FMO1: variants seen among roughly 807,000 people sequenced by gnomAD.
The protein encoded by FMO1 is flavin containing dimethylaniline monoxygenase 1, also known as flavin-containing monooxygenase 1.
A neutral mutation model predicts 45.4 loss-of-function variants in FMO1; 36 were observed. The ratio of observed to expected loss-of-function variants is 0.79; its 90% CI spans 0.61 to 1.05. FMO1 has a LOEUF of 1.05. Ranked by LOEUF, FMO1 falls within the 50% of genes least tolerant of loss-of-function variation. FMO1 has a pLI of 0.00. For synonymous variants in FMO1, 228 were observed against 227.2 expected (o/e 1.00, Z -0.03); for missense variants, 615 against 640.3 (o/e 0.96, Z 0.43).
rs375591300 is a variant in FMO1, at chr1:171,285,437, G to C, written c.1492G>C (p.Val498Leu). Residue 498 changes from valine to leucine, a missense_variant, in exon 9 of 9, where the codon GTC becomes CTC. Val to Leu is a conservative substitution (Grantham distance 32). Transcript: ENST00000617670. ...GACCCAGTGGGACCGAACATTCAAG[G>C]TCATCAAAGCTCGAGTTGTACAAGA... ...IMTQWDRTFK[V>L]IKARVVQESP... 100 of 1,605,156 alleles carry C rather than the reference G, an allele frequency of 6.2e-5. No homozygotes were observed. The highest frequency in any genetic ancestry group is 8.0e-5 in the Non-Finnish European group (94 of 1,176,378).
In FMO1 at chr1:171,253,552, G is replaced by A. The variant is rs181375930; in HGVS notation, c.-6-4530G>A. 1.4e-4 allele frequency among the ~76,000 whole-genome samples: 21 copies of A among 151,950 alleles called. No individual in the cohort carries two copies. The East Asian group carries it at 2.9e-3, about 21-fold the overall frequency. Reference sequence around the variant, plus strand: ...CGAGGCGGGTGGATCACCTGAGGTCGGGAGTTCGAGACCAGCCTAACCGAC... The same window carrying A: ...CGAGGCGGGTGGATCACCTGAGGTCAGGAGTTCGAGACCAGCCTAACCGAC... On this transcript the variant is annotated intron_variant, in intron 1 of 8. Coordinates refer to ENST00000617670, the MANE Select transcript of FMO1 (RefSeq NM_001282693.2).
chr1:171,270,925 C>T (rs1379778811), intron 3 of FMO1: 24 of 783,186 alleles, frequency 3.1e-5, no homozygotes, highest in South Asian at 1.9e-4. Flanking sequence ...GCTTTATAGA[C>T]GAGAAAAAAA....
At chr1:171,283,083 A>G (rs1454543950) in intron 7 of FMO1, 61 bp from the exon 8 acceptor site, 3 of 862,556 alleles carry the variant, frequency 3.5e-6, no homozygotes, top group Non-Finnish European at 5.8e-6. Flanking sequence ...ATCTTTATCC[A>G]TAAGTCAACA....
chr1:171,265,400 A>G (rs1660575813), intron 2 of FMO1, among the ~76,000 whole-genome samples: 1 of 146,802 alleles, frequency 6.8e-6, no homozygotes, highest in African/African-American at 2.7e-5. Context: ...CAAAAAAAGA[A>G]AAATAAAAAA....
chr1:171,276,555 T>C (rs1158999135), intron 4 of FMO1, among the ~76,000 whole-genome samples: 1 of 152,172 alleles, frequency 6.6e-6, no homozygotes, highest in East Asian at 1.9e-4. Context: ...GAGTACCTAG[T>C]CACTGCAAGA....
intron 1 of FMO1, among the ~76,000 whole-genome samples, chr1:171,256,962 T>C (rs557517037): frequency 2.6e-5 from 4 of 152,324 alleles, no homozygotes; most frequent in South Asian, 2.1e-4. Flanking sequence ...AGAAATGCTA[T>C]AGGAATTAAA....
intron 7 of FMO1, 26 bp from the exon 8 acceptor site, chr1:171,283,118 T>C: frequency 7.9e-7 from 1 of 1,261,806 alleles, no homozygotes; most frequent in Non-Finnish European, 1.1e-6. Context: ...TAAGTTGCAT[T>C]TGAGGTTTTT....
At chr1:171,276,250 A>G (rs1200036437) in intron 4 of FMO1, among the ~76,000 whole-genome samples, 1 of 152,208 alleles carries the variant, frequency 6.6e-6, no homozygotes, top group Non-Finnish European at 1.5e-5. Context: ...TAAATTTAGG[A>G]GCATGCTATG....
intron 1 of FMO1, among the ~76,000 whole-genome samples, chr1:171,257,535 C>G (rs28384854): frequency 0.024 from 3,729 of 152,210 alleles, 140 homozygotes; most frequent in African/African-American, 0.084. Context: ...TGGCATTGTG[C>G]CAGGGGCAGG....
intron 2 of FMO1, among the ~76,000 whole-genome samples, chr1:171,264,981 A>G (rs1320756722): frequency 6.6e-6 from 1 of 152,224 alleles, no homozygotes; most frequent in African/African-American, 2.4e-5. Flanking sequence ...TTGTTAGACT[A>G]CCCAGGCAAT....
intron 1 of FMO1, among the ~76,000 whole-genome samples, chr1:171,254,177 T>C (rs1660041539): frequency 6.6e-6 from 1 of 152,036 alleles, no homozygotes; most frequent in Non-Finnish European, 1.5e-5. Context: ...CAACCTCCAC[T>C]TCCCAGGTTC....
At chr1:171,260,680 C>A (rs1183743204) in intron 2 of FMO1, among the ~76,000 whole-genome samples, 3 of 151,922 alleles carry the variant, frequency 2.0e-5, no homozygotes, top group Non-Finnish European at 4.4e-5. Flanking sequence ...CCTGTAATCC[C>A]AGCACTTTGG....
intron 3 of FMO1, 61 bp downstream of exon 3, chr1:171,267,792 C>A: frequency 7.5e-7 from 1 of 1,332,804 alleles, no homozygotes; most frequent in Non-Finnish European, 1.1e-6. Context: ...TCTCTTATCT[C>A]TCCAGCCTAG....
chr1:171,269,346 G>A (rs1030626721), intron 3 of FMO1, among the ~76,000 whole-genome samples: 1 of 152,140 alleles, frequency 6.6e-6, no homozygotes, highest in African/African-American at 2.4e-5. Context: ...TGACAAAAAT[G>A]CTGATAGTGA....
chr1:171,275,372 C>G lies in FMO1; in HGVS notation c.348C>G (p.Cys116Trp). The change falls in exon 4 of 9, where the codon TGC (cysteine) becomes TGG (tryptophan). Residue 116 changes from cysteine to tryptophan, a missense_variant. Cys to Trp is a radical substitution (Grantham distance 215). Coordinates refer to ENST00000617670, the MANE Select transcript of FMO1 (RefSeq NM_001282693.2). ...FKTKVCSVTK[C>W]SDSAVSGQWE... ...CCAAAGTCTGCAGTGTAACAAAATG[C>G]TCAGATTCTGCTGTCTCTGGCCAAT... 1 of 1,613,840 alleles carries G rather than the reference C, an allele frequency of 6.2e-7. No individual in the cohort carries two copies. The highest frequency in any genetic ancestry group is 1.1e-5 in the South Asian group (1 of 91,052).
Position 171,260,532 on chromosome 1 carries a change from A to G in FMO1, c.132+2313A>G, listed in dbSNP as rs768696528. The stretch of plus-strand genomic sequence containing the variant: ...AAATTTTGAGGTAGAGGAAGAAGAT[A>G]TAAGAGCACTCACACCAGAGGCCCT... On this transcript the variant is annotated intron_variant, in intron 2 of 8. Coordinates refer to ENST00000617670, the MANE Select transcript of FMO1 (RefSeq NM_001282693.2). 2.8e-4 allele frequency among the ~76,000 whole-genome samples: 42 copies of G among 152,168 alleles called. 1 individual carries two copies. The highest frequency in any genetic ancestry group is 1.9e-4 in the Non-Finnish European group (13 of 68,030).
chr1:171,268,611 T>C (rs950886016), intron 3 of FMO1, among the ~76,000 whole-genome samples: 2 of 151,934 alleles, frequency 1.3e-5, no homozygotes, highest in Admixed American at 6.6e-5. Flanking sequence ...TTTTTGTCCT[T>C]TTTTTTTCCT....
intron 4 of FMO1, among the ~76,000 whole-genome samples, chr1:171,278,234 A>G (rs910076886): frequency 6.6e-6 from 1 of 152,176 alleles, no homozygotes; most frequent in Non-Finnish European, 1.5e-5. Context: ...GTGAATAGGG[A>G]CAACATTTTA....
At chr1:171,284,171 T>C (rs1181194000) in intron 8 of FMO1, among the ~76,000 whole-genome samples, 1 of 120,826 alleles carries the variant, frequency 8.3e-6, no homozygotes, top group African/African-American at 4.1e-5. Context: ...AAAGGTTCTG[T>C]GGCAAAAAAA....
Sources: gnomAD v4.1 joint callset for allele counts (sites outside exome capture counted in the v4.1 genomes callset) on GRCh38, gnomAD v4.1.1 for gene constraint, MANE v1.5 for transcripts, NCBI Gene and HGNC (gene_info 2026-07-23, HGNC 2026-07-21) for gene names.